Variants in UBE2K observed in about 807,000 individuals in gnomAD.
UBE2K encodes ubiquitin conjugating enzyme E2 K, also known as ubiquitin-conjugating enzyme E2 K.
In UBE2K, 6 loss-of-function variants were observed where a neutral mutation model predicts 30.0. That is an observed-to-expected ratio of 0.20 (90% confidence interval 0.11 to 0.39). UBE2K has a LOEUF of 0.39. UBE2K is among the 10% of genes least tolerant of loss of function. UBE2K has a pLI of 1.00. For synonymous variants in UBE2K, 86 were observed against 83.7 expected, an observed-to-expected ratio of 1.03 and a Z score of -0.15; for missense variants, 61 against 241.6, an observed-to-expected ratio of 0.25 and a Z score of 4.96.
chr4:39,777,851 A>G lies in UBE2K; in HGVS notation c.528+41A>G, dbSNP rs199577511. On this transcript the variant is annotated intron_variant, in intron 6 of 6. Transcript: ENST00000261427. ...CATGTTGATTTTGATATATTGATTG[A>G]TTTTAAATTATTGCAAATTCTTGGC... 22 of 1,363,444 alleles carry G rather than the reference A, an allele frequency of 1.6e-5. No individual in the cohort carries two copies. The African/African-American group carries it at 3.3e-4, about 20-fold the overall frequency. The allele number at this position is 1,363,444 out of a possible 1,614,324, so 84.5% of individuals were successfully genotyped here.
chr4:39,727,767 A>T (rs1719835913), intron 1 of UBE2K, among the ~76,000 whole-genome samples: 1 of 152,006 alleles, frequency 6.6e-6, no homozygotes, highest in Non-Finnish European at 1.5e-5. Flanking sequence ...TGAGTGATAA[A>T]GTATTGTGTC....
intron 1 of UBE2K, among the ~76,000 whole-genome samples, chr4:39,704,116 C>T (rs981768772): frequency 3.3e-5 from 5 of 151,606 alleles, no homozygotes; most frequent in Non-Finnish European, 7.4e-5. Flanking sequence ...TAGAGGCAGG[C>T]GTGGTGGCTC....
At chr4:39,730,660 C>G (rs1250077653) in intron 1 of UBE2K, among the ~76,000 whole-genome samples, 2 of 151,856 alleles carry the variant, frequency 1.3e-5, no homozygotes, top group Non-Finnish European at 2.9e-5. Context: ...TGCAGCTACT[C>G]AGGAGGCTAA....
chr4:39,741,399 TGA>T (rs1720697308), intron 2 of UBE2K, among the ~76,000 whole-genome samples: 1 of 152,216 alleles, frequency 6.6e-6, no homozygotes, highest in Non-Finnish European at 1.5e-5. Context: ...ATAAAACTAT[TGA>T]GAGAAGTTCA....
chr4:39,770,830 C>T, intron 4 of UBE2K: 1 of 1,542,666 alleles, frequency 6.5e-7, no homozygotes, highest in Non-Finnish European at 8.7e-7. Context: ...ATGTCAGATA[C>T]GTCCTCATCC....
rs1168820129 is a variant in UBE2K at position 39,714,548 on chromosome 4, A to ATTTTT, written c.63+16159_63+16160insTTTTT. 67 of 24,670 alleles carry ATTTTT rather than the reference A, an allele frequency of 2.7e-3. 2 individuals carry two copies. The highest frequency in any genetic ancestry group is 4.8e-3 in the African/African-American group (25 of 5,236). 1.5% of individuals were successfully genotyped at this position (24,670 alleles called of 1,614,324 possible). On this transcript the variant is annotated intron_variant, in intron 1 of 6. Transcript: ENST00000261427. ...TATATATATATATATATATATATAT[A>ATTTTT]TATTTTTTTTTTTTTTTAAGACTGA...
At chr4:39,750,887 G>C (rs1404669841) in intron 3 of UBE2K, among the ~76,000 whole-genome samples, 2 of 151,624 alleles carry the variant, frequency 1.3e-5, no homozygotes, top group Non-Finnish European at 2.9e-5. Context: ...TTGGACTACA[G>C]GCATACCCCA....
chr4:39,703,645 G>A (rs1385728535), intron 1 of UBE2K, among the ~76,000 whole-genome samples: 1 of 151,652 alleles, frequency 6.6e-6, no homozygotes, highest in Admixed American at 6.6e-5. Context: ...TCAGGAGATC[G>A]AGACCATCCT....
intron 1 of UBE2K, among the ~76,000 whole-genome samples, chr4:39,707,362 A>T (rs1718425521): frequency 6.6e-6 from 1 of 151,642 alleles, no homozygotes; most frequent in Admixed American, 6.6e-5. Flanking sequence ...GCATGCCACC[A>T]TACCCAGCTA....
intron 1 of UBE2K, among the ~76,000 whole-genome samples, chr4:39,702,393 T>C (rs1247688831): frequency 6.6e-6 from 1 of 151,812 alleles, no homozygotes; most frequent in Non-Finnish European, 1.5e-5. Flanking sequence ...TAGCTGGGAT[T>C]ATAGGCATGC....
In UBE2K at chr4:39,745,789, A is replaced by T. The variant is rs1349218785; in HGVS notation, c.195A>T (p.Thr65=). ...RYQLEIKIPE[T]YPFNPPKVRF... is the part of the protein sequence containing the mutation. The stretch of plus-strand genomic sequence containing the variant: ...AACTAGAGATAAAAATACCAGAAAC[A>T]TACCCATTTAATCCCCCTAAGGTAT... Residue 65 remains threonine, a synonymous_variant, in exon 3 of 7, where the codon ACA becomes ACT. Transcript: ENST00000261427. 1.9e-6 allele frequency: 3 copies of T among 1,607,578 alleles called. No homozygotes were observed. The highest frequency in any genetic ancestry group is 1.3e-5 in the African/African-American group (1 of 74,718).
At chr4:39,712,226 G>A (rs1342613946) in intron 1 of UBE2K, among the ~76,000 whole-genome samples, 1 of 109,760 alleles carries the variant, frequency 9.1e-6, no homozygotes, top group African/African-American at 3.6e-5. Flanking sequence ...TTTTGAGACC[G>A]AGTCTCGCTC....
At chr4:39,729,489 T>C (rs1184349834) in intron 1 of UBE2K, among the ~76,000 whole-genome samples, 1 of 152,188 alleles carries the variant, frequency 6.6e-6, no homozygotes, top group Non-Finnish European at 1.5e-5. Flanking sequence ...TCTTCTAAGA[T>C]CATAGCTTTT....
intron 1 of UBE2K, among the ~76,000 whole-genome samples, chr4:39,708,053 C>T (rs1259750898): frequency 2.0e-5 from 3 of 151,932 alleles, no homozygotes; most frequent in Non-Finnish European, 4.4e-5. Flanking sequence ...TGCACCACCA[C>T]GCTCAGCTAA....
intron 3 of UBE2K, among the ~76,000 whole-genome samples, chr4:39,754,861 T>A (rs1480026939): frequency 1.3e-5 from 2 of 152,184 alleles, no homozygotes; most frequent in African/African-American, 4.8e-5. Flanking sequence ...TGTCAAAGAA[T>A]ATGGGCTCAG....
intron 2 of UBE2K, among the ~76,000 whole-genome samples, chr4:39,739,069 C>T (rs1459492225): frequency 6.6e-6 from 1 of 151,984 alleles, no homozygotes. Flanking sequence ...GCTCTGTTGC[C>T]CAGCCTGGAG....
chr4:39,760,630 GCTCAC>G (rs549299838), intron 4 of UBE2K, among the ~76,000 whole-genome samples: 69 of 152,320 alleles, frequency 4.5e-4, no homozygotes, highest in African/African-American at 1.7e-3. Flanking sequence ...CAGCGCAGTG[GCTCAC>G]GCCTGTAATC....
intron 1 of UBE2K, among the ~76,000 whole-genome samples, chr4:39,722,484 A>G (rs1373376707): frequency 6.6e-6 from 1 of 152,194 alleles, no homozygotes; most frequent in Non-Finnish European, 1.5e-5. Context: ...TGCTCTTTGC[A>G]ATTAGCAAGT....
intron 1 of UBE2K, among the ~76,000 whole-genome samples, chr4:39,704,140 C>T (rs1718197029): frequency 6.6e-6 from 1 of 151,794 alleles, no homozygotes; most frequent in African/African-American, 2.4e-5. Context: ...TCGGTAATTG[C>T]AGCACTTGGG....
Sources: allele counts gnomAD v4.1 joint callset (sites outside exome capture counted in the v4.1 genomes callset), GRCh38; gene constraint gnomAD v4.1.1; transcripts MANE v1.5; gene names NCBI Gene and HGNC (gene_info 2026-07-23, HGNC 2026-07-21).